Variants in POMK observed in about 807,000 individuals in gnomAD.
POMK encodes the protein Sugen kinase 196.
Under a neutral mutation model 23.0 loss-of-function variants are expected in POMK, and 19 were observed. The ratio of observed to expected loss-of-function variants is 0.83; its 90% CI spans 0.58 to 1.21. The LOEUF (loss-of-function observed/expected upper bound fraction) is 1.21. Ranked by LOEUF, POMK falls within the 50% of genes most tolerant of loss-of-function variation. The pLI is 0.00. For missense variants in POMK, 410 were observed against 431.3 expected (o/e 0.95, Z 0.44); for synonymous variants, 173 against 171.6 (o/e 1.01, Z -0.06).
At chr8:43,112,569 C>T (rs1181723653) in intron 4 of POMK, among the ~76,000 whole-genome samples, 2 of 152,028 alleles carry the variant, frequency 1.3e-5, no homozygotes, top group African/African-American at 2.4e-5. Flanking sequence ...GAGAACGCCA[C>T]AAAGATACTC....
chr8:43,111,639 AC>A (rs1266665074), intron 4 of POMK, among the ~76,000 whole-genome samples: 1 of 152,014 alleles, frequency 6.6e-6, no homozygotes, highest in Non-Finnish European at 1.5e-5. Flanking sequence ...TGGGTCCCTG[AC>A]CCCCGAGTAG....
chr8:43,119,004 G>T (rs1811856576), intron 4 of POMK, among the ~76,000 whole-genome samples: 1 of 152,104 alleles, frequency 6.6e-6, no homozygotes. Context: ...GTAGAGATGG[G>T]ATTTCACCAT....
In POMK at chr8:43,122,852, T is replaced by C; in HGVS notation, c.1028T>C (p.Met343Thr). ...KVLDTLRDAM[M>T]SQAREML ...TTGGATACACTTAGAGATGCCATGATGTCTCAGGCAAGAGAGATGCTGTGA... is the reference window on the plus strand; with the variant it reads ...TTGGATACACTTAGAGATGCCATGACGTCTCAGGCAAGAGAGATGCTGTGA... The change falls in exon 5 of 5, where the codon ATG becomes ACG. Residue 343 changes from methionine to threonine, a missense_variant. Transcript: ENST00000331373. 1.2e-6 allele frequency: 2 copies of C among 1,612,250 alleles called. No homozygotes were observed. Among genetic ancestry groups the C allele is most frequent in the Non-Finnish European group, 1.7e-6 (2 of 1,179,618 alleles).
intron 4 of POMK, among the ~76,000 whole-genome samples, chr8:43,106,711 CTGGTCT>C (rs1216019550): frequency 1.3e-5 from 2 of 152,080 alleles, no homozygotes; most frequent in Non-Finnish European, 2.9e-5. Context: ...GTTGGCCAGG[CTGGTCT>C]TGAACTCTTG....
chr8:43,113,615 A>G (rs551277536), intron 4 of POMK, among the ~76,000 whole-genome samples: 1 of 152,290 alleles, frequency 6.6e-6, no homozygotes, highest in Non-Finnish European at 1.5e-5. Flanking sequence ...GAACTCGTCA[A>G]AGTCATTCTC....
At chr8:43,093,767 C>T (rs1053988088) in intron 1 of POMK, among the ~76,000 whole-genome samples, 1 of 152,254 alleles carries the variant, frequency 6.6e-6, no homozygotes, top group South Asian at 2.1e-4. Context: ...CGCGTCCACC[C>T]CTGCGCGGTA....
At chr8:43,095,605 C>G (rs1314584835) in intron 1 of POMK, among the ~76,000 whole-genome samples, 1 of 152,112 alleles carries the variant, frequency 6.6e-6, no homozygotes, top group Non-Finnish European at 1.5e-5. Context: ...GTGGACAGGG[C>G]AAGTTACATG....
At chr8:43,107,176 T>C (rs550897049) in intron 4 of POMK, among the ~76,000 whole-genome samples, 30 of 152,180 alleles carry the variant, frequency 2.0e-4, no homozygotes, top group African/African-American at 2.9e-4. Flanking sequence ...TGGGGACTTA[T>C]AGTCCACAAA....
chr8:43,099,586 T>G (rs1352357621), intron 2 of POMK, among the ~76,000 whole-genome samples: 2 of 152,232 alleles, frequency 1.3e-5, no homozygotes, highest in Admixed American at 6.5e-5. Context: ...TATTGATAGA[T>G]CAAGGAAGAC....
rs569376313 is a variant in POMK at position 43,098,835 on chromosome 8, C to T, written c.-118+1220C>T. 1.1e-3 allele frequency among the ~76,000 whole-genome samples: 165 copies of T among 152,306 alleles called. 1 individual carries two copies. Among genetic ancestry groups the T allele is most frequent in the African/African-American group, 3.8e-3 (158 of 41,570 alleles). ...GCCATCTTGTCACACTTCTGATCTG[C>T]GTTTGCCTTGATGACTGGTGAAGCT... On this transcript the variant is annotated intron_variant, in intron 2 of 4. Coordinates refer to ENST00000331373, the MANE Select transcript of POMK (RefSeq NM_032237.5).
chr8:43,120,754 G>A (rs752607356), intron 4 of POMK, among the ~76,000 whole-genome samples: 13 of 150,370 alleles, frequency 8.6e-5, no homozygotes, highest in Non-Finnish European at 1.8e-4. Context: ...CTTGGCTTAC[G>A]GCAACCTCTG....
chr8:43,119,528 G>T (rs542321592), intron 4 of POMK, among the ~76,000 whole-genome samples: 1 of 150,036 alleles, frequency 6.7e-6, no homozygotes, highest in African/African-American at 2.5e-5. Context: ...TGCCTCCTGG[G>T]TTCAAGCAAT....
rs540817131 is a variant in POMK at position 43,122,079 on chromosome 8, C to T, written c.283-28C>T. 8.7e-6 allele frequency: 14 copies of T among 1,605,036 alleles called. No individual in the cohort carries two copies. In the East Asian group the frequency reaches 2.7e-4, roughly 31 times the overall value. On this transcript the variant is annotated intron_variant, in intron 4 of 4. Coordinates refer to ENST00000331373, the MANE Select transcript of POMK (RefSeq NM_032237.5). ...TCACTAAATTAGGTGAGAGTTCAGG[C>T]CTGATGCTCTCTATGGCTTTGTTGC...
At chr8:43,115,530 A>G (rs1811779929) in intron 4 of POMK, among the ~76,000 whole-genome samples, 1 of 152,016 alleles carries the variant, frequency 6.6e-6, no homozygotes, top group Non-Finnish European at 1.5e-5. Context: ...AGCAAGTTAC[A>G]TTGTTTCTAC....
intron 2 of POMK, among the ~76,000 whole-genome samples, chr8:43,100,474 C>T (rs1189403756): frequency 2.0e-5 from 3 of 150,276 alleles, no homozygotes; most frequent in Non-Finnish European, 4.4e-5. Context: ...TCTGAGGCCT[C>T]GTGTGTGGTG....
At chr8:43,108,928 CAT>C (rs1811595056) in intron 4 of POMK, among the ~76,000 whole-genome samples, 2 of 152,280 alleles carry the variant, frequency 1.3e-5, no homozygotes, top group South Asian at 2.1e-4. Flanking sequence ...TATACTGAGT[CAT>C]ATCAGAATTG....
chr8:43,100,770 A>T (rs1372888579), intron 2 of POMK, among the ~76,000 whole-genome samples: 1 of 151,558 alleles, frequency 6.6e-6, no homozygotes, highest in African/African-American at 2.4e-5. Flanking sequence ...AGGATTGTGG[A>T]TCTCTGTGAG....
In POMK at chr8:43,098,094, A is replaced by T. The variant is rs574675350; in HGVS notation, c.-118+479A>T. Among the ~76,000 whole-genome samples, 3 of 152,278 alleles carry T rather than the reference A, an allele frequency of 2.0e-5. No homozygotes were observed. In the South Asian group the frequency reaches 6.2e-4, roughly 32 times the overall value. On this transcript the variant is annotated intron_variant, in intron 2 of 4. Coordinates refer to ENST00000331373, the MANE Select transcript of POMK (RefSeq NM_032237.5). ...TAGCCTGAGAGCTGGGAATGCTTTT[A>T]TCTTTTTAAATGTTAGGGGGAGACT...
At chr8:43,112,969 G>A (rs1057464310) in intron 4 of POMK, among the ~76,000 whole-genome samples, 1 of 152,340 alleles carries the variant, frequency 6.6e-6, no homozygotes. Flanking sequence ...CATGCCAATT[G>A]TAAAGACCAT....
Sources: gnomAD v4.1 joint callset for allele counts (sites outside exome capture counted in the v4.1 genomes callset) on GRCh38, gnomAD v4.1.1 for gene constraint, MANE v1.5 for transcripts, NCBI Gene and HGNC (gene_info 2026-07-23, HGNC 2026-07-21) for gene names.